GJB7: variants seen among roughly 807,000 people sequenced by gnomAD.
The protein encoded by GJB7 is gap junction protein beta 7.
For synonymous variants in GJB7, 87 were observed against 95.2 expected, an observed-to-expected ratio of 0.91 and a Z score of 0.50; for missense variants, 253 against 256.8, an observed-to-expected ratio of 0.99 and a Z score of 0.10.
At chr6:87,287,944 C>A (rs1166234748) in intron 2 of GJB7, among the ~76,000 whole-genome samples, 1 of 151,852 alleles carries the variant, frequency 6.6e-6, no homozygotes, top group Non-Finnish European at 1.5e-5. Context: ...GCTCTGTTGC[C>A]CAGGCTAGAG....
At position 87,284,876 on chromosome 6, in the gene GJB7, C is replaced by T. The variant is rs1340009039; in HGVS notation, c.37G>A (p.Val13Ile). Reference sequence around the variant, plus strand: ...CCAGTCCCAGTGGAGTATTTATTTACTCCACTCAGGAGATCTCTGAGGAAC... The same window carrying T: ...CCAGTCCCAGTGGAGTATTTATTTATTCCACTCAGGAGATCTCTGAGGAAC... ...WMFLRDLLSG[V>I]NKYSTGTGWI... Residue 13 changes from valine (V) to isoleucine (I), a missense_variant, in exon 3 of 3, where the codon GTA (valine) becomes ATA (isoleucine). Val to Ile is a conservative substitution (Grantham distance 29). Transcript: ENST00000525899. 6.2e-7 allele frequency: 1 copy of T among 1,609,844 alleles called. No individual in the cohort carries two copies. The highest frequency in any genetic ancestry group is 1.4e-5 in the African/African-American group (1 of 71,350).
chr6:87,307,408 C>A (rs1014980891), intron 2 of GJB7, among the ~76,000 whole-genome samples: 1 of 152,008 alleles, frequency 6.6e-6, no homozygotes, highest in Non-Finnish European at 1.5e-5. Context: ...TTCTGCACAG[C>A]AAAAGAAACT....
At chr6:87,291,692 C>T (rs968105264) in intron 2 of GJB7, among the ~76,000 whole-genome samples, 8 of 152,200 alleles carry the variant, frequency 5.3e-5, no homozygotes, top group African/African-American at 1.4e-4. Flanking sequence ...AGAAAGAGCA[C>T]ATGTGATGCG....
chr6:87,295,040 C>T (rs6921673), intron 2 of GJB7, among the ~76,000 whole-genome samples: 75,381 of 151,800 alleles, frequency 0.5, 19,418 homozygotes, highest in African/African-American at 0.61. Flanking sequence ...AATGAAACAA[C>T]AGCTGCTCAA....
At chr6:87,328,274 A>C (rs1038216953) in intron 1 of GJB7, among the ~76,000 whole-genome samples, 4 of 151,272 alleles carry the variant, frequency 2.6e-5, no homozygotes, top group Non-Finnish European at 4.4e-5. Context: ...TCTCCGTCCA[A>C]CTTTGTTCCG....
chr6:87,308,626 T>C (rs2127906721), intron 2 of GJB7, among the ~76,000 whole-genome samples: 1 of 151,242 alleles, frequency 6.6e-6, no homozygotes, highest in South Asian at 2.1e-4. Flanking sequence ...AAAGAGAAAA[T>C]AGGGAGAAAT....
chr6:87,326,822 T>C (rs1380937787), intron 1 of GJB7, among the ~76,000 whole-genome samples: 6 of 120,946 alleles, frequency 5.0e-5, no homozygotes, highest in Non-Finnish European at 8.6e-5. Context: ...TGGGTATCCT[T>C]GTTGACTTTC....
chr6:87,298,880 C>T (rs897224001), intron 2 of GJB7: 1 of 396,372 alleles, frequency 2.5e-6, no homozygotes, highest in Non-Finnish European at 5.0e-6. Flanking sequence ...GATTCCCAAG[C>T]CTTACTGCTT....
At chr6:87,318,429 G>A (rs181435632) in intron 2 of GJB7, among the ~76,000 whole-genome samples, 42 of 152,318 alleles carry the variant, frequency 2.8e-4, no homozygotes, top group Non-Finnish European at 1.9e-4. Flanking sequence ...TGAATCTGCA[G>A]AGTTCAGCTG....
At position 87,284,318 on chromosome 6, in the gene GJB7, T is replaced by G. The variant is rs1776019734; in HGVS notation, c.595A>C (p.Ser199Arg). Residue 199 changes from serine (S) to arginine (R), a missense_variant, in exon 3 of 3, where the codon AGT (serine) becomes CGT (arginine). Transcript: ENST00000525899. ...ATAAAGCACTTGAGAACCAAAAAAC[T>G]CAGTTCAATGAAATTCAACACAATA... ...LCIVLNFIEL[S>R]FLVLKCFIKC... 2 of 1,614,028 alleles carry G rather than the reference T, an allele frequency of 1.2e-6. No individual in the cohort carries two copies. Among genetic ancestry groups the G allele is most frequent in the African/African-American group, 2.7e-5 (2 of 75,014 alleles).
At chr6:87,285,078 C>T (rs370208174) in intron 2 of GJB7, 139 bp from the exon 3 acceptor site, 26 of 609,320 alleles carry the variant, frequency 4.3e-5, no homozygotes, top group African/African-American at 4.1e-4. Flanking sequence ...CTAAGAATCC[C>T]GAAGGATATG....
chr6:87,327,531 T>C (rs1776858494), intron 1 of GJB7, among the ~76,000 whole-genome samples: 1 of 150,084 alleles, frequency 6.7e-6, no homozygotes, highest in East Asian at 1.9e-4. Flanking sequence ...TTTGGCTGGA[T>C]ATGAAATTCT....
intron 2 of GJB7, chr6:87,292,115 G>A (rs1378543054): frequency 6.6e-6 from 1 of 152,230 alleles, no homozygotes; most frequent in Non-Finnish European, 1.5e-5. Flanking sequence ...TAACTTAGAT[G>A]AGAATTCCTG....
In GJB7 at chr6:87,284,607, C is replaced by T; in HGVS notation, c.306G>A (p.Glu102=). The T allele has an allele frequency of 6.2e-7, 1 of 1,614,182 alleles. No individual in the cohort carries two copies. The highest frequency in any genetic ancestry group is 8.5e-7 in the Non-Finnish European group (1 of 1,180,032). Residue 102 remains glutamate (E), a synonymous_variant, in exon 3 of 3, where the codon GAG becomes GAA. Transcript: ENST00000525899. ...VLHVAYHEGR[E]KRHRKKLYVS... ...CATAGAGTTTCTTTCTGTGCCTTTT[C>T]TCTCTACCCTCATGATAGGCTACAT...
intron 2 of GJB7, among the ~76,000 whole-genome samples, chr6:87,293,098 C>A (rs1776203461): frequency 6.6e-6 from 1 of 152,254 alleles, no homozygotes; most frequent in African/African-American, 2.4e-5. Flanking sequence ...GTGGCGCGAT[C>A]TTGGCTCACT....
Position 87,283,489 on chromosome 6 carries a change from GA to G in GJB7, c.*751del, listed in dbSNP as rs1776006781. The G allele has an allele frequency of 6.6e-6, 1 of 152,232 alleles. No individual in the cohort carries two copies. Among genetic ancestry groups the G allele is most frequent in the African/African-American group, 2.4e-5 (1 of 41,448 alleles). The allele number at this position is 152,232 out of a possible 1,614,324, so 9.4% of individuals were successfully genotyped here. On this transcript the variant is annotated 3_prime_UTR_variant, in exon 3 of 3. Transcript: ENST00000525899. The stretch of plus-strand genomic sequence containing the variant: ...ATTTCTACTTGATTTGGAGACCACT[GA>G]AATGATAGCTTTCCTCCCTCTCCTC...
chr6:87,290,008 C>T (rs925366375), intron 2 of GJB7, among the ~76,000 whole-genome samples: 1 of 152,208 alleles, frequency 6.6e-6, no homozygotes, highest in Non-Finnish European at 1.5e-5. Flanking sequence ...ATCCTTCAGC[C>T]TTCATACACA....
At chr6:87,328,951 G>A (rs1169722974) in intron 1 of GJB7, among the ~76,000 whole-genome samples, 187 bp downstream of exon 1, 3 of 152,186 alleles carry the variant, frequency 2.0e-5, no homozygotes, top group Non-Finnish European at 2.9e-5. Flanking sequence ...ATATAATCTC[G>A]TGGTGCGCCA....
chr6:87,308,102 C>G (rs1475167695), intron 2 of GJB7, among the ~76,000 whole-genome samples: 1 of 152,126 alleles, frequency 6.6e-6, no homozygotes, highest in African/African-American at 2.4e-5. Context: ...TGGAAACCAT[C>G]ATTCTCAGCA....
Sources: allele counts gnomAD v4.1 joint callset (sites outside exome capture counted in the v4.1 genomes callset), GRCh38; gene constraint gnomAD v4.1.1; transcripts MANE v1.5; gene names NCBI Gene and HGNC (gene_info 2026-07-23, HGNC 2026-07-21).